The following ZC3H12C variants were observed in gnomAD, a reference collection of about 807,000 sequenced individuals.
ZC3H12C encodes probable ribonuclease ZC3H12C.
A neutral mutation model predicts 76.3 loss-of-function variants in ZC3H12C; 20 were observed. The observed-to-expected ratio is 0.26, with a 90% CI of 0.18 to 0.38. The LOEUF (loss-of-function observed/expected upper bound fraction) is 0.38. Ranked by LOEUF, ZC3H12C falls within the 10% of genes least tolerant of loss-of-function variation. The pLI is 1.00. For missense variants in ZC3H12C, 874 were observed against 1,086.5 expected, an observed-to-expected ratio of 0.80 and a Z score of 2.75; for synonymous variants, 352 against 399.6, an observed-to-expected ratio of 0.88 and a Z score of 1.42.
Position 110,167,155 on chromosome 11 carries a change from G to A in ZC3H12C, c.*1418G>A, listed in dbSNP as rs1008583721. The stretch of plus-strand genomic sequence containing the variant: ...TTGAATTGTACTTCACGTAACAGAT[G>A]CATTCAGATCTTTTTCTGTAGTCTG... On this transcript the variant is annotated 3_prime_UTR_variant, in exon 6 of 6. Coordinates refer to ENST00000278590, the MANE Select transcript of ZC3H12C (RefSeq NM_033390.2). 6.6e-6 allele frequency: 1 copy of A among 152,192 alleles called. No individual in the cohort carries two copies. The highest frequency in any genetic ancestry group is 1.5e-5 in the Non-Finnish European group (1 of 68,018). 9.4% of individuals were successfully genotyped at this position (152,192 alleles called of 1,614,324 possible).
intron 2 of ZC3H12C, among the ~76,000 whole-genome samples, chr11:110,147,960 T>C (rs953575679): frequency 3.3e-5 from 5 of 152,214 alleles, no homozygotes; most frequent in East Asian, 1.9e-4. Flanking sequence ...CCTGTAGCCA[T>C]TGGGAATCAT....
intron 2 of ZC3H12C, among the ~76,000 whole-genome samples, chr11:110,137,975 T>G (rs643186): frequency 6.6e-6 from 1 of 151,838 alleles, no homozygotes; most frequent in East Asian, 1.9e-4. Flanking sequence ...TTTTTTTGGC[T>G]AGGCAGGGTG....
At chr11:110,109,419 C>T (rs1861389594) in intron 1 of ZC3H12C, among the ~76,000 whole-genome samples, 1 of 152,142 alleles carries the variant, frequency 6.6e-6, no homozygotes, top group Non-Finnish European at 1.5e-5. Flanking sequence ...ACACTTTAAG[C>T]ATCCCTTTCA....
chr11:110,137,204 C>G lies in ZC3H12C; in HGVS notation c.563C>G (p.Thr188Ser). 2 of 1,613,912 alleles carry G rather than the reference C, an allele frequency of 1.2e-6. No individual in the cohort carries two copies. The highest frequency in any genetic ancestry group is 1.7e-5 in the Admixed American group (1 of 60,000). The change falls in exon 2 of 6, where the codon ACT becomes AGT. Residue 188 changes from threonine (T) to serine (S), a missense_variant. Thr to Ser is a moderately conservative substitution (Grantham distance 58). Coordinates refer to ENST00000278590, the MANE Select transcript of ZC3H12C (RefSeq NM_033390.2). The stretch of plus-strand genomic sequence containing the variant: ...CAGCTTGTACTAAACAAACTTGGTA[C>G]TGATGCTTTAATCAATGATATTTTG... ...QVQLVLNKLGTDALINDILGE... is the reference protein window; with the variant it reads ...QVQLVLNKLGSDALINDILGE...
At chr11:110,136,268 T>G (rs1861957521) in intron 1 of ZC3H12C, 1 of 160,326 alleles carries the variant, frequency 6.2e-6, no homozygotes. Flanking sequence ...TCATGCATAT[T>G]AAAAACATAC....
At position 110,131,333 on chromosome 11, in the gene ZC3H12C, A is replaced by G. The variant is rs1188846319; in HGVS notation, c.22-5330A>G. On this transcript the variant is annotated intron_variant, in intron 1 of 5. Transcript: ENST00000278590. ...TAAATAATTACTTAGAGCTTCATGA[A>G]CATTTATAAGGCATTAGGCATGGCG... 18 of 545,562 alleles carry G rather than the reference A, an allele frequency of 3.3e-5. No homozygotes were observed. In the Admixed American group the frequency reaches 4.0e-4, roughly 12 times the overall value. The allele number at this position is 545,562 out of a possible 1,614,324, so 33.8% of individuals were successfully genotyped here. A position where few individuals can be genotyped will look rare whatever the true frequency, so the allele number is the denominator to read the frequency against.
chr11:110,096,394 G>GT (rs1861113212), intron 1 of ZC3H12C, among the ~76,000 whole-genome samples: 1 of 152,206 alleles, frequency 6.6e-6, no homozygotes, highest in South Asian at 2.1e-4. Flanking sequence ...AGGTGACATA[G>GT]TAATAGTCAC....
chr11:110,165,747 CA>C lies in ZC3H12C; in HGVS notation c.*11del, dbSNP rs1862572593. On this transcript the variant is annotated 3_prime_UTR_variant, in exon 6 of 6. Coordinates refer to ENST00000278590, the MANE Select transcript of ZC3H12C (RefSeq NM_033390.2). ...CCAGCTGGGTTATTGAAAGATGATGCATCTTTGTGGTGTTTAGTAGTTTTTT... is the reference window on the plus strand; with the variant it reads ...CCAGCTGGGTTATTGAAAGATGATGCTCTTTGTGGTGTTTAGTAGTTTTTT... 1 of 1,563,408 alleles carries C rather than the reference CA, an allele frequency of 6.4e-7. No homozygotes were observed. Among genetic ancestry groups the C allele is most frequent in the Non-Finnish European group, 8.7e-7 (1 of 1,153,216 alleles).
At chr11:110,162,702 T>G (rs913038253) in intron 4 of ZC3H12C, among the ~76,000 whole-genome samples, 2 of 152,248 alleles carry the variant, frequency 1.3e-5, no homozygotes, top group African/African-American at 4.8e-5. Flanking sequence ...CATGCAACAT[T>G]GGATAAAAAT....
rs905744618 is a variant in ZC3H12C at position 110,170,153 on chromosome 11, C to G, written c.*4416C>G. 2.6e-5 allele frequency: 4 copies of G among 152,118 alleles called. No individual in the cohort carries two copies. The highest frequency in any genetic ancestry group is 9.7e-5 in the African/African-American group (4 of 41,448). 9.4% of individuals were successfully genotyped at this position (152,118 alleles called of 1,614,324 possible). A position where few individuals can be genotyped will look rare whatever the true frequency, so the allele number is the denominator to read the frequency against. ...ATCTTAATTCATTTGAGTTTTCTTA[C>G]CTGTTTACACCCATTATTTATTAGA... is the stretch of plus-strand genomic sequence containing the variant. On this transcript the variant is annotated 3_prime_UTR_variant, in exon 6 of 6. Coordinates refer to ENST00000278590, the MANE Select transcript of ZC3H12C (RefSeq NM_033390.2).
At chr11:110,154,522 T>C (rs929414305) in intron 3 of ZC3H12C, among the ~76,000 whole-genome samples, 1 of 152,128 alleles carries the variant, frequency 6.6e-6, no homozygotes, top group Non-Finnish European at 1.5e-5. Flanking sequence ...ATTCAACCAG[T>C]AGTACCAAAT....
chr11:110,170,144 G>A lies in ZC3H12C; in HGVS notation c.*4407G>A, dbSNP rs1245213831. ...TGTTAAAGCATCTTAATTCATTTGA[G>A]TTTTCTTACCTGTTTACACCCATTA... On this transcript the variant is annotated 3_prime_UTR_variant, in exon 6 of 6. Transcript: ENST00000278590. The A allele has an allele frequency of 2.0e-5, 3 of 151,996 alleles. No individual in the cohort carries two copies. The highest frequency in any genetic ancestry group is 4.4e-5 in the Non-Finnish European group (3 of 67,974). 9.4% of individuals were successfully genotyped at this position (151,996 alleles called of 1,614,324 possible).
intron 1 of ZC3H12C, among the ~76,000 whole-genome samples, chr11:110,126,821 G>A (rs1389184567): frequency 6.6e-6 from 1 of 151,920 alleles, no homozygotes; most frequent in Non-Finnish European, 1.5e-5. Flanking sequence ...ATATTTTAAT[G>A]AATAAATACA....
chr11:110,148,806 A>G (rs182953305), intron 2 of ZC3H12C, among the ~76,000 whole-genome samples: 1 of 152,374 alleles, frequency 6.6e-6, no homozygotes, highest in East Asian at 1.9e-4. Context: ...TTTATAAGCA[A>G]TTAAAGCTAT....
In ZC3H12C at chr11:110,160,232, T is replaced by C. The variant is rs1862455246; in HGVS notation, c.1148+742T>C. On this transcript the variant is annotated intron_variant, in intron 4 of 5. Transcript: ENST00000278590. ...TGTCCTGAGTGAGTCAGTGAATGAA[T>C]GGTGAGTGAATGTGAACGGCTAGGA... Among the ~76,000 whole-genome samples the C allele has an allele frequency of 2.6e-5, 4 of 152,214 alleles. No homozygotes were observed. In the South Asian group the frequency reaches 8.3e-4, roughly 32 times the overall value.
At chr11:110,152,830 C>A in intron 2 of ZC3H12C, 89 bp from the exon 3 acceptor site, 1 of 1,406,762 alleles carries the variant, frequency 7.1e-7, no homozygotes, top group Non-Finnish European at 9.8e-7. Flanking sequence ...ACTGTTGTAA[C>A]TATGTAATAC....
intron 1 of ZC3H12C, among the ~76,000 whole-genome samples, chr11:110,118,157 A>G (rs986322760): frequency 2.7e-5 from 4 of 150,374 alleles, no homozygotes; most frequent in African/African-American, 9.7e-5. Flanking sequence ...TTAAAACACT[A>G]GAGTCATTCC....
intron 1 of ZC3H12C, among the ~76,000 whole-genome samples, chr11:110,111,705 T>TA (rs1216774870): frequency 4.0e-5 from 6 of 151,164 alleles, no homozygotes; most frequent in Non-Finnish European, 1.5e-5. Flanking sequence ...TGATTTTTTT[T>TA]TTTTTTTTTT....
rs759196134 is a variant in ZC3H12C, at chr11:110,159,253, C to T, written c.914-3C>T. 6.2e-7 allele frequency: 1 copy of T among 1,601,892 alleles called. No homozygotes were observed. The highest frequency in any genetic ancestry group is 8.5e-7 in the Non-Finnish European group (1 of 1,173,258). The stretch of plus-strand genomic sequence containing the variant: ...TGCCATCCTACCGTCATTATTCTTG[C>T]AGATCAGGAAATTTTACGTAAATTA... On this transcript the variant is annotated splice_region_variant and splice_polypyrimidine_tract_variant and intron_variant, in intron 3 of 5. Coordinates refer to ENST00000278590, the MANE Select transcript of ZC3H12C (RefSeq NM_033390.2).
Sources: gnomAD v4.1 joint callset for allele counts (sites outside exome capture counted in the v4.1 genomes callset) on GRCh38, gnomAD v4.1.1 for gene constraint, MANE v1.5 for transcripts, NCBI Gene and HGNC (gene_info 2026-07-23, HGNC 2026-07-21) for gene names.